Variants in ZRANB2 observed in about 807,000 individuals in gnomAD.
The protein encoded by ZRANB2 is zinc finger RANBP2-type containing 2, also known as zinc finger Ran-binding domain-containing protein 2.
ZRANB2 carries 19 observed loss-of-function variants against 53.4 expected under a neutral mutation model. The ratio of observed to expected loss-of-function variants is 0.36; its 90% CI spans 0.25 to 0.52. The LOEUF (loss-of-function observed/expected upper bound fraction) is 0.52. Ranked by LOEUF, ZRANB2 falls within the 20% of genes least tolerant of loss-of-function variation. The probability of loss-of-function intolerance (pLI) is 0.93; values close to 1 mark genes in which losing one functional copy is unlikely to be tolerated. For missense variants in ZRANB2, 309 were observed against 401.1 expected (o/e 0.77, Z 1.96); for synonymous variants, 145 against 134.8 (o/e 1.08, Z -0.52).
chr1:71,072,330 T>C, intron 5 of ZRANB2, 75 bp from the exon 6 acceptor site: 1 of 1,467,732 alleles, frequency 6.8e-7, no homozygotes, highest in Non-Finnish European at 9.2e-7. Context: ...AAAAATTATT[T>C]TAGATATTTA....
chr1:71,080,847 A>G lies in ZRANB2; in HGVS notation c.56+93T>C, dbSNP rs549675797. On this transcript the variant is annotated intron_variant, in intron 1 of 9. Coordinates refer to ENST00000370920, the MANE Select transcript of ZRANB2 (RefSeq NM_203350.3). ...TCGCCGCCTCAACCCGTCTTAAGGCACAGAAAATCATAAAAAAGGAAAATG... is the reference window on the plus strand; with the variant it reads ...TCGCCGCCTCAACCCGTCTTAAGGCGCAGAAAATCATAAAAAAGGAAAATG... 3.1e-5 allele frequency: 46 copies of G among 1,478,188 alleles called. No individual in the cohort carries two copies. In the African/African-American group the frequency reaches 5.7e-4, roughly 18 times the overall value. 91.6% of individuals were successfully genotyped at this position (1,478,188 alleles called of 1,614,324 possible).
At chr1:71,068,306 C>T (rs910617967) in intron 8 of ZRANB2, among the ~76,000 whole-genome samples, 1 of 152,152 alleles carries the variant, frequency 6.6e-6, no homozygotes, top group Admixed American at 6.5e-5. Flanking sequence ...CACAGTTAGA[C>T]TTCAATATGA....
At chr1:71,071,357 C>G (rs1417358791) in intron 6 of ZRANB2, among the ~76,000 whole-genome samples, 1 of 152,176 alleles carries the variant, frequency 6.6e-6, no homozygotes, top group East Asian at 1.9e-4. Flanking sequence ...CTGGTCTCCT[C>G]AAATCTGAAG....
chr1:71,065,796 A>T, intron 9 of ZRANB2: 2 of 1,608,046 alleles, frequency 1.2e-6, no homozygotes, highest in Non-Finnish European at 1.7e-6. Context: ...GATGACAACA[A>T]ACTAGGGGGA....
At chr1:71,076,741 CA>C in intron 4 of ZRANB2, 53 bp downstream of exon 4, 1 of 1,313,026 alleles carries the variant, frequency 7.6e-7, no homozygotes, top group South Asian at 1.2e-5. Context: ...ATTATCGTTT[CA>C]ATATTTAGTG....
intron 1 of ZRANB2, among the ~76,000 whole-genome samples, chr1:71,080,491 A>G (rs986826657): frequency 1.3e-5 from 2 of 152,322 alleles, no homozygotes; most frequent in Admixed American, 1.3e-4. Flanking sequence ...GTAAAAATAC[A>G]AAACAAGGTG....
chr1:71,078,952 T>C (rs907704716), intron 1 of ZRANB2, among the ~76,000 whole-genome samples: 1 of 152,210 alleles, frequency 6.6e-6, no homozygotes, highest in Non-Finnish European at 1.5e-5. Flanking sequence ...TTAAGTTACT[T>C]AGGATCTCTG....
chr1:71,065,463 T>C (rs1223683171), intron 9 of ZRANB2, among the ~76,000 whole-genome samples: 2 of 152,034 alleles, frequency 1.3e-5, no homozygotes, highest in Non-Finnish European at 1.5e-5. Context: ...AACAAAAGCA[T>C]ATAAACTTGG....
chr1:71,067,050 A>T, intron 8 of ZRANB2, 116 bp from the exon 9 acceptor site: 2 of 978,792 alleles, frequency 2.0e-6, no homozygotes, highest in Non-Finnish European at 2.9e-6. Flanking sequence ...TGAAAATTTT[A>T]TAAGGAAGAA....
At chr1:71,078,363 T>C (rs1250667050) in intron 3 of ZRANB2, 94 bp downstream of exon 3, 1 of 1,033,988 alleles carries the variant, frequency 9.7e-7, no homozygotes, top group African/African-American at 1.6e-5. Flanking sequence ...TACCCTGGCT[T>C]GTCAATGTCA....
Position 71,064,977 on chromosome 1 carries a change from G to A in ZRANB2, c.*97C>T, listed in dbSNP as rs1661387489. The A allele has an allele frequency of 2.8e-6, 2 of 722,138 alleles. No individual in the cohort carries two copies. Among genetic ancestry groups the A allele is most frequent in the Non-Finnish European group, 4.6e-6 (2 of 430,442 alleles). The allele number at this position is 722,138 out of a possible 1,614,324, so 44.7% of individuals were successfully genotyped here. On this transcript the variant is annotated 3_prime_UTR_variant, in exon 10 of 10. Transcript: ENST00000370920. The stretch of plus-strand genomic sequence containing the variant: ...CAATGAAAGGCATGCACCTCTACTA[G>A]CAGATTTAGCACTTCTGACCAAGTA...
At position 71,069,312 on chromosome 1, in the gene ZRANB2, G is replaced by A. The variant is rs757744918; in HGVS notation, c.734C>T (p.Ser245Phe). 1 of 1,612,382 alleles carries A rather than the reference G, an allele frequency of 6.2e-7. No individual in the cohort carries two copies. The highest frequency in any genetic ancestry group is 1.7e-5 in the Admixed American group (1 of 59,788). ...SSSQSRSRSS[S>F]RERSRSRGSK... Reference sequence around the variant, plus strand: ...CCCACGAGATCTCGAACGTTCTCTGGAACTGGAACGAGATCTTGACTGCGA... The same window carrying A: ...CCCACGAGATCTCGAACGTTCTCTGAAACTGGAACGAGATCTTGACTGCGA... Residue 245 changes from serine (S) to phenylalanine (F), a missense_variant, in exon 8 of 10, where the codon TCC (serine) becomes TTC (phenylalanine). This residue lies in a region of ZRANB2 where 211 missense variants were observed against 196.1 expected (regional missense o/e 1.08). Transcript: ENST00000370920.
intron 7 of ZRANB2, 33 bp downstream of exon 7, chr1:71,070,794 G>C (rs770844354): frequency 1.3e-5 from 16 of 1,275,068 alleles, no homozygotes; most frequent in Admixed American, 8.1e-5. Context: ...CTGACATTTT[G>C]ACTGGTGTTA....
rs1403612673 is a variant in ZRANB2 at position 71,070,892 on chromosome 1, A to C, written c.618T>G (p.Ser206=). 2 of 1,610,902 alleles carry C rather than the reference A, an allele frequency of 1.2e-6. No individual in the cohort carries two copies. Among genetic ancestry groups the C allele is most frequent in the South Asian group, 2.2e-5 (2 of 90,662 alleles). ...ATGAAGATCGTGAATGTGAAGATCG[A>C]GACTTTGAGCGACTTCGTCTATTAG... The part of the protein sequence containing the change: ...KKSNRRSRSK[S]RSSHSRSSSR... The change falls in exon 7 of 10, where the codon TCT becomes TCG. Residue 206 remains serine, a synonymous_variant. Coordinates refer to ENST00000370920, the MANE Select transcript of ZRANB2 (RefSeq NM_203350.3).
At chr1:71,072,359 C>A (rs1359849254) in intron 5 of ZRANB2, 104 bp from the exon 6 acceptor site, 19 of 1,443,864 alleles carry the variant, frequency 1.3e-5, no homozygotes, top group Middle Eastern at 4.5e-4. Context: ...TGAAAATGAT[C>A]AGTTGCTGAA....
At chr1:71,080,409 T>C (rs756318736) in intron 1 of ZRANB2, among the ~76,000 whole-genome samples, 1 of 151,698 alleles carries the variant, frequency 6.6e-6, no homozygotes, top group Non-Finnish European at 1.5e-5. Flanking sequence ...ACAAAGAAAA[T>C]GTCAGAATTT....
intron 5 of ZRANB2, 31 bp downstream of exon 5, chr1:71,072,441 T>C (rs765213810): frequency 1.1e-5 from 17 of 1,560,666 alleles, no homozygotes; most frequent in Non-Finnish European, 1.5e-5. Context: ...TTCTAATTTA[T>C]ATTCAACCTG....
At chr1:71,065,295 T>C (rs544273984) in intron 9 of ZRANB2, among the ~76,000 whole-genome samples, 158 bp from the exon 10 acceptor site, 1 of 152,208 alleles carries the variant, frequency 6.6e-6, no homozygotes, top group Admixed American at 6.5e-5. Flanking sequence ...AATTATCTGA[T>C]GTTTAGACTT....
At chr1:71,074,614 C>A (rs1661666698) in intron 4 of ZRANB2, among the ~76,000 whole-genome samples, 1 of 151,594 alleles carries the variant, frequency 6.6e-6, no homozygotes, top group East Asian at 1.9e-4. Flanking sequence ...GAATAAAAAT[C>A]ACAATGTACT....
Sources: gnomAD v4.1 joint callset for allele counts (sites outside exome capture counted in the v4.1 genomes callset) on GRCh38, gnomAD v4.1.1 for gene constraint, gnomAD v4.1.1 regional missense constraint, MANE v1.5 for transcripts, NCBI Gene and HGNC (gene_info 2026-07-23, HGNC 2026-07-21) for gene names.